The following NCAPD3 variants were observed in gnomAD, a reference collection of about 807,000 sequenced individuals.
NCAPD3 encodes the protein condensin-2 complex subunit D3.
NCAPD3 carries 105 observed loss-of-function variants against 182.9 expected under a neutral mutation model. The observed-to-expected ratio is 0.57, with a 90% CI of 0.49 to 0.68. The LOEUF (loss-of-function observed/expected upper bound fraction) is 0.68. Ranked by LOEUF, NCAPD3 falls within the 30% of genes least tolerant of loss-of-function variation. The pLI, the probability that NCAPD3 is intolerant of heterozygous loss-of-function variation, is 0.00. For synonymous variants in NCAPD3, 815 were observed against 679.9 expected, an observed-to-expected ratio of 1.20 and a Z score of -3.09; for missense variants, 1,944 against 1,837.0, an observed-to-expected ratio of 1.06 and a Z score of -1.07.
intron 26 of NCAPD3, 77 bp from the exon 27 acceptor site, chr11:134,168,272 C>G: frequency 1.4e-6 from 2 of 1,480,414 alleles, no homozygotes; most frequent in Non-Finnish European, 1.9e-6. Flanking sequence ...ATTCCCACAA[C>G]TGGGGGGCCA....
chr11:134,172,936 C>T (rs1467864604), intron 24 of NCAPD3, among the ~76,000 whole-genome samples: 1 of 144,960 alleles, frequency 6.9e-6, no homozygotes, highest in East Asian at 2.0e-4. Flanking sequence ...CTGATTGCTC[C>T]ATTGCACTCC....
intron 13 of NCAPD3, among the ~76,000 whole-genome samples, chr11:134,199,323 T>A (rs1944700296): frequency 6.6e-6 from 1 of 152,194 alleles, no homozygotes; most frequent in South Asian, 2.1e-4. Context: ...CTTTCCCTTT[T>A]CTTTATTTAT....
intron 32 of NCAPD3, 142 bp from the exon 33 acceptor site, chr11:134,153,505 G>A: frequency 1.2e-6 from 1 of 811,028 alleles, no homozygotes; most frequent in Non-Finnish European, 2.1e-6. Flanking sequence ...CCCTGTCCCA[G>A]GGCCTGGCAG....
intron 5 of NCAPD3, 39 bp from the exon 6 acceptor site, chr11:134,209,245 A>T (rs768024202): frequency 1.2e-6 from 2 of 1,608,488 alleles, no homozygotes; most frequent in East Asian, 4.5e-5. Context: ...GATTTTTTCT[A>T]CTGATCAGGT....
chr11:134,156,262 G>C (rs1053799546), intron 32 of NCAPD3, among the ~76,000 whole-genome samples: 1 of 152,160 alleles, frequency 6.6e-6, no homozygotes, highest in African/African-American at 2.4e-5. Flanking sequence ...GAGTGGAATG[G>C]CCAGGGACGA....
In NCAPD3 at chr11:134,204,764, T is replaced by C; in HGVS notation, c.1089+135A>G. On this transcript the variant is annotated intron_variant, in intron 9 of 34. Coordinates refer to ENST00000534548, the MANE Select transcript of NCAPD3 (RefSeq NM_015261.3). This position sits in a 1 kb window ranked among gnomAD's most constrained non-coding sequence, Gnocchi z 4.3. Reference sequence around the variant, plus strand: ...TGTCTAGGGGACCATCTAGTGAACATTAAATAAAACCACTTTAAGTAACAA... The same window carrying C: ...TGTCTAGGGGACCATCTAGTGAACACTAAATAAAACCACTTTAAGTAACAA... 2 of 681,830 alleles carry C rather than the reference T, an allele frequency of 2.9e-6. No homozygotes were observed. Among genetic ancestry groups the C allele is most frequent in the South Asian group, 4.9e-5 (2 of 40,740 alleles). 42.2% of individuals were successfully genotyped at this position (681,830 alleles called of 1,614,324 possible).
At chr11:134,176,431 G>A in intron 23 of NCAPD3, 45 bp from the exon 24 acceptor site, 3 of 1,549,786 alleles carry the variant, frequency 1.9e-6, no homozygotes, top group Non-Finnish European at 2.7e-6. Flanking sequence ...GTCATCATGG[G>A]CAAGCCTCAC....
chr11:134,197,360 T>G (rs924782522), intron 13 of NCAPD3, among the ~76,000 whole-genome samples: 1 of 139,900 alleles, frequency 7.1e-6, no homozygotes, highest in African/African-American at 2.7e-5. Flanking sequence ...CACTGCAACC[T>G]CTACCTCCCA....
At chr11:134,188,711 C>T (rs777032024) in intron 16 of NCAPD3, among the ~76,000 whole-genome samples, 4 of 152,174 alleles carry the variant, frequency 2.6e-5, no homozygotes, top group Non-Finnish European at 5.9e-5. Flanking sequence ...CAGGCACATC[C>T]GAACATCTGA....
chr11:134,195,424 A>T (rs1944607673), intron 13 of NCAPD3, among the ~76,000 whole-genome samples: 1 of 152,206 alleles, frequency 6.6e-6, no homozygotes, highest in African/African-American at 2.4e-5. Context: ...ATTCTTAAAA[A>T]TTACTGAGGA....
intron 13 of NCAPD3, among the ~76,000 whole-genome samples, chr11:134,201,729 T>A (rs1019910127): frequency 6.6e-6 from 1 of 152,242 alleles, no homozygotes; most frequent in Non-Finnish European, 1.5e-5. Flanking sequence ...AAAAAGTCTG[T>A]GCCACCGTAA....
intron 16 of NCAPD3, among the ~76,000 whole-genome samples, chr11:134,188,758 T>C (rs550242430): frequency 6.6e-6 from 1 of 152,102 alleles, no homozygotes; most frequent in Non-Finnish European, 1.5e-5. Flanking sequence ...TTAAGAGCTG[T>C]AACATGCATC....
intron 19 of NCAPD3, among the ~76,000 whole-genome samples, chr11:134,182,184 G>C (rs1339453765): frequency 6.6e-6 from 1 of 152,172 alleles, no homozygotes; most frequent in African/African-American, 2.4e-5. Context: ...CACAGAATCT[G>C]GGAAAGCTGA....
chr11:134,179,329 G>C (rs1346383565), intron 20 of NCAPD3, among the ~76,000 whole-genome samples: 1 of 152,022 alleles, frequency 6.6e-6, no homozygotes, highest in African/African-American at 2.4e-5. Context: ...ATAGTCACGT[G>C]GCTTTATGTT....
At chr11:134,167,178 C>G (rs533164208) in intron 27 of NCAPD3, among the ~76,000 whole-genome samples, 1 of 121,844 alleles carries the variant, frequency 8.2e-6, no homozygotes. Flanking sequence ...TTGGGGGAGG[C>G]GCACACTCGT....
chr11:134,209,524 C>T (rs1168180108), intron 4 of NCAPD3, 47 bp from the exon 5 acceptor site: 1 of 1,550,128 alleles, frequency 6.5e-7, no homozygotes, highest in Non-Finnish European at 8.8e-7. Flanking sequence ...ATGCCAAACA[C>T]TTTGTCCCAT....
At chr11:134,167,461 C>T (rs866703774) in intron 27 of NCAPD3, among the ~76,000 whole-genome samples, 5 of 76,292 alleles carry the variant, frequency 6.6e-5, no homozygotes, top group Non-Finnish European at 1.0e-4. Context: ...TTAGGGGAGG[C>T]GCACACTCAC....
chr11:134,153,621 C>T lies in NCAPD3; in HGVS notation c.4253-258G>A, dbSNP rs1009848359. 18 of 537,882 alleles carry T rather than the reference C, an allele frequency of 3.3e-5. No homozygotes were observed. The South Asian group carries it at 3.7e-4, about 11-fold the overall frequency. 33.3% of individuals were successfully genotyped at this position (537,882 alleles called of 1,614,324 possible). A position where few individuals can be genotyped will look rare whatever the true frequency, so the allele number is the denominator to read the frequency against. On this transcript the variant is annotated intron_variant, in intron 32 of 34. Transcript: ENST00000534548. ...GGCCCCTGGGCCTCACTGTTCACGCCTCTGGCTTCCCTCCCGCCGTCTTCC... is the reference window on the plus strand; with the variant it reads ...GGCCCCTGGGCCTCACTGTTCACGCTTCTGGCTTCCCTCCCGCCGTCTTCC...
rs1937744481 is a variant in NCAPD3 at position 134,209,468 on chromosome 11, T to C, written c.577A>G (p.Ile193Val). Residue 193 changes from isoleucine to valine, a missense_variant, in exon 5 of 35, where the codon ATT becomes GTT. Physicochemically the swap from Ile to Val is conservative, Grantham distance 29 (BLOSUM62 3). Around this residue, in one of 3 missense-constraint regions of NCAPD3, gnomAD observed 1,803 missense variants for 1,674.6 expected, o/e 1.08. Coordinates refer to ENST00000534548, the MANE Select transcript of NCAPD3 (RefSeq NM_015261.3). ...TTCTCATCTTCTTGTTCTTCTATAA[T>C]TTCATCCATCTAGATTATGAAGAAA... Reference protein sequence around the residue: ...PRREDIEMDEIIEEQEDENIC... With the variant: ...PRREDIEMDEVIEEQEDENIC... 6.2e-7 allele frequency: 1 copy of C among 1,610,506 alleles called. No individual in the cohort carries two copies. The highest frequency in any genetic ancestry group is 8.5e-7 in the Non-Finnish European group (1 of 1,178,752).
Sources: allele counts gnomAD v4.1 joint callset (sites outside exome capture counted in the v4.1 genomes callset), GRCh38; gene constraint gnomAD v4.1.1; regional missense constraint gnomAD v4.1.1; non-coding constraint Gnocchi (gnomAD v3.1); transcripts MANE v1.5; gene names NCBI Gene and HGNC (gene_info 2026-07-23, HGNC 2026-07-21).